Variants in ANKDD1A observed in about 807,000 individuals in gnomAD.
ANKDD1A encodes the protein ankyrin repeat and death domain-containing protein 1A.
Under a neutral mutation model 63.5 loss-of-function variants are expected in ANKDD1A, and 59 were observed. The ratio of observed to expected loss-of-function variants is 0.93; its 90% CI spans 0.75 to 1.15. ANKDD1A has a LOEUF of 1.15. Ranked by LOEUF, ANKDD1A falls within the 50% of genes most tolerant of loss-of-function variation. The pLI is 0.00. For synonymous variants in ANKDD1A, 266 were observed against 263.9 expected (o/e 1.01, Z -0.08); for missense variants, 632 against 656.4 (o/e 0.96, Z 0.41).
chr15:64,920,531 C>A (rs1259474589), intron 3 of ANKDD1A, among the ~76,000 whole-genome samples: 1 of 152,072 alleles, frequency 6.6e-6, no homozygotes, highest in East Asian at 1.9e-4. Flanking sequence ...AGCTATCTGC[C>A]TTGAAGATAT....
At chr15:64,952,978 G>GTCTCTTCT (rs1555397740) in intron 14 of ANKDD1A, among the ~76,000 whole-genome samples, 54,615 of 139,436 alleles carry the variant, frequency 0.39, 11,084 homozygotes, top group South Asian at 0.49. Context: ...TTTTCTTCTT[G>GTCTCTTCT]TCTCTCCTTC....
In ANKDD1A at chr15:64,950,746, C is replaced by A. The variant is rs369561964; in HGVS notation, c.1483+774C>A. 4.5e-5 allele frequency: 41 copies of A among 910,582 alleles called. 2 individuals carry two copies. The African/African-American group carries it at 9.8e-4, about 22-fold the overall frequency. 56.4% of individuals were successfully genotyped at this position (910,582 alleles called of 1,614,324 possible). On this transcript the variant is annotated intron_variant, in intron 14 of 14. Coordinates refer to ENST00000319580, the MANE Select transcript of ANKDD1A (RefSeq NM_182703.6). ...AAAGGACCGCCCCCCCCCCCCCCCC[C>A]CCCCATAGCTGCTATAGGCAAGGTG...
chr15:64,944,273 A>C (rs2085206966), intron 11 of ANKDD1A, among the ~76,000 whole-genome samples: 2 of 152,208 alleles, frequency 1.3e-5, no homozygotes, highest in African/African-American at 4.8e-5. Flanking sequence ...AGAGGTGGGC[A>C]AAAGGCAAAA....
rs186927545 is a variant in ANKDD1A at position 64,940,831 on chromosome 15, T to C, written c.868-1636T>C. ...ATGGCTCACTGCAGCCTCGTCCTCT[T>C]GGGTTCAAGCAATCCTCCTGCCTCA... On this transcript the variant is annotated intron_variant, in intron 9 of 14. Coordinates refer to ENST00000319580, the MANE Select transcript of ANKDD1A (RefSeq NM_182703.6). Among the ~76,000 whole-genome samples, 5 of 151,512 alleles carry C rather than the reference T, an allele frequency of 3.3e-5. No individual in the cohort carries two copies. In the East Asian group the frequency reaches 9.7e-4, roughly 29 times the overall value.
intron 14 of ANKDD1A, among the ~76,000 whole-genome samples, chr15:64,954,053 C>A (rs1282739269): frequency 1.5e-4 from 3 of 19,762 alleles, no homozygotes; most frequent in Non-Finnish European, 7.4e-4. Flanking sequence ...TTCTTCTTTT[C>A]TCCTTCTTCT....
chr15:64,942,263 C>T (rs1443142599), intron 9 of ANKDD1A, among the ~76,000 whole-genome samples: 1 of 152,132 alleles, frequency 6.6e-6, no homozygotes, highest in Non-Finnish European at 1.5e-5. Context: ...TTCAGACCCT[C>T]ACCCATCTAG....
chr15:64,925,982 A>G, intron 4 of ANKDD1A, 84 bp from the exon 5 acceptor site: 3 of 1,290,750 alleles, frequency 2.3e-6, no homozygotes, highest in Middle Eastern at 2.5e-4. Flanking sequence ...CTGGGTCCCA[A>G]ACACTCGCTG....
intron 2 of ANKDD1A, among the ~76,000 whole-genome samples, chr15:64,917,174 G>C (rs1377323288): frequency 6.6e-6 from 1 of 152,216 alleles, no homozygotes; most frequent in East Asian, 1.9e-4. Context: ...GATGGGGACA[G>C]ATGGGTCCAG....
chr15:64,952,461 CCTTCTTCCTTCTCCTT>C (rs1283552994), intron 14 of ANKDD1A, among the ~76,000 whole-genome samples: 4 of 146,646 alleles, frequency 2.7e-5, no homozygotes, highest in East Asian at 2.0e-4. Flanking sequence ...TAGTTCTTCT[CCTTCTTCCTTCTCCTT>C]CTTCTTCCTT....
intron 14 of ANKDD1A, chr15:64,951,360 C>CT (rs2085270918): frequency 1.0e-4 from 51 of 508,952 alleles, no homozygotes; most frequent in Middle Eastern, 1.9e-3. Context: ...CTTCTTTCTT[C>CT]TTCCTCTTTC....
intron 11 of ANKDD1A, among the ~76,000 whole-genome samples, chr15:64,944,050 G>A (rs2085205452): frequency 6.6e-6 from 1 of 152,192 alleles, no homozygotes; most frequent in Admixed American, 6.5e-5. Flanking sequence ...TGAGGGGAGG[G>A]GCACCTGCAC....
chr15:64,956,313 G>A (rs2085416233), intron 14 of ANKDD1A, among the ~76,000 whole-genome samples: 1 of 151,198 alleles, frequency 6.6e-6, no homozygotes, highest in Non-Finnish European at 1.5e-5. Context: ...ACTTTGGGAG[G>A]GCAAGGCGGG....
intron 14 of ANKDD1A, among the ~76,000 whole-genome samples, chr15:64,952,072 T>TCTTC (rs2085296449): frequency 2.2e-4 from 1 of 4,558 alleles, no homozygotes; most frequent in Non-Finnish European, 1.8e-3. Flanking sequence ...CTTCCTTTCT[T>TCTTC]CTTCTTCCTT....
chr15:64,930,960 G>C lies in ANKDD1A; in HGVS notation c.669+40G>C, dbSNP rs779575640. The C allele has an allele frequency of 1.0e-5, 16 of 1,591,218 alleles. No individual in the cohort carries two copies. In the Admixed American group the frequency reaches 2.6e-4, roughly 26 times the overall value. On this transcript the variant is annotated intron_variant, in intron 7 of 14. Transcript: ENST00000319580. ...GGGGATGGCGAGATGCATGACCCTT[G>C]CTTGCTCTCTGCCTTCGAGGAACCC...
At chr15:64,927,102 TG>T in intron 6 of ANKDD1A, 103 bp downstream of exon 6, 1 of 1,189,540 alleles carries the variant, frequency 8.4e-7, no homozygotes, top group Non-Finnish European at 1.2e-6. Context: ...CCGATTGCGC[TG>T]GAGGCCCGTG....
At chr15:64,926,039 C>T (rs1345599093) in intron 4 of ANKDD1A, 27 bp from the exon 5 acceptor site, 1 of 1,601,514 alleles carries the variant, frequency 6.2e-7, no homozygotes, top group South Asian at 1.1e-5. Flanking sequence ...TCACAGACTG[C>T]AGGAACCCTC....
At chr15:64,925,708 A>G (rs2085041226) in intron 4 of ANKDD1A, among the ~76,000 whole-genome samples, 1 of 152,324 alleles carries the variant, frequency 6.6e-6, no homozygotes, top group Non-Finnish European at 1.5e-5. Flanking sequence ...TTGATAAAAT[A>G]CCTTTCCTGT....
rs1442181708 is a variant in ANKDD1A at position 64,953,633 on chromosome 15, T to TCTTAGTTCTTCTTCTTCTTC, written c.1484-3467_1484-3466insAGTTCTTCTTCTTCTTCCTT. Among the ~76,000 whole-genome samples the TCTTAGTTCTTCTTCTTCTTC allele has an allele frequency of 1.5e-3, 7 of 4,642 alleles. 1 individual carries two copies. The highest frequency in any genetic ancestry group is 1.7e-3 in the African/African-American group (7 of 4,210). The allele number at this position is 4,642 out of a possible 152,430, so 3.0% of individuals were successfully genotyped here. A position where few individuals can be genotyped will look rare whatever the true frequency, so the allele number is the denominator to read the frequency against. ...TTCTCTCCTTCTTCTTCTTCTTCCT[T>TCTTAGTTCTTCTTCTTCTTC]CTTCTTCCTCTTCCTTCTCCTTCTT... On this transcript the variant is annotated intron_variant, in intron 14 of 14. Transcript: ENST00000319580.
intron 14 of ANKDD1A, chr15:64,951,134 C>G (rs2085266315): frequency 8.7e-7 from 1 of 1,150,628 alleles, no homozygotes; most frequent in Non-Finnish European, 1.1e-6. Flanking sequence ...CCAGGTGATT[C>G]TACTGAAATG....
Sources: allele counts gnomAD v4.1 joint callset (sites outside exome capture counted in the v4.1 genomes callset), GRCh38; gene constraint gnomAD v4.1.1; transcripts MANE v1.5; gene names NCBI Gene and HGNC (gene_info 2026-07-23, HGNC 2026-07-21).